Variants in RNF111 observed in about 807,000 individuals in gnomAD.
RNF111 encodes ring finger protein 111, also known as E3 ubiquitin-protein ligase Arkadia.
RNF111 carries 17 observed loss-of-function variants against 95.1 expected under a neutral mutation model. The ratio of observed to expected loss-of-function variants is 0.18; its 90% CI spans 0.12 to 0.27. RNF111 has a LOEUF of 0.27. Among genes scored for constraint, RNF111 ranks in the 10% least tolerant of loss-of-function variants. The probability of loss-of-function intolerance (pLI) is 1.00; values close to 1 mark genes in which losing one functional copy is unlikely to be tolerated. For synonymous variants in RNF111, 440 were observed against 414.8 expected (o/e 1.06, Z -0.74); for missense variants, 1,189 against 1,210.4 (o/e 0.98, Z 0.26).
At chr15:59,072,257 T>C (rs1046112470) in intron 6 of RNF111, among the ~76,000 whole-genome samples, 3 of 152,106 alleles carry the variant, frequency 2.0e-5, no homozygotes, top group Admixed American at 6.5e-5. Context: ...GTTTGCTGCA[T>C]TGATTGACTG....
chr15:59,083,284 A>G (rs2078799885), intron 8 of RNF111, among the ~76,000 whole-genome samples: 1 of 152,218 alleles, frequency 6.6e-6, no homozygotes, highest in African/African-American at 2.4e-5. Flanking sequence ...ACATTGGCTC[A>G]TGTCTGTAAT....
At chr15:59,051,936 A>G (rs564962449) in intron 2 of RNF111, among the ~76,000 whole-genome samples, 1 of 152,246 alleles carries the variant, frequency 6.6e-6, no homozygotes, top group East Asian at 1.9e-4. Context: ...ACTTTGAGCT[A>G]TTAAAGGGTT....
At chr15:59,009,978 A>G (rs1183804197) in intron 1 of RNF111, among the ~76,000 whole-genome samples, 2 of 152,072 alleles carry the variant, frequency 1.3e-5, no homozygotes, top group African/African-American at 4.8e-5. Flanking sequence ...AAAAATTAAA[A>G]TGATTTTGCT....
chr15:59,070,634 AACAG>A (rs1205895955), intron 6 of RNF111, among the ~76,000 whole-genome samples: 2 of 152,208 alleles, frequency 1.3e-5, no homozygotes, highest in East Asian at 3.8e-4. Flanking sequence ...ACAGAAGGAG[AACAG>A]ACATATACTT....
rs1234177799 is a variant in RNF111 at position 59,025,595 on chromosome 15, T to A, written c.-19-5209T>A. Among the ~76,000 whole-genome samples the A allele has an allele frequency of 2.6e-5, 4 of 152,202 alleles. No homozygotes were observed. In the East Asian group the frequency reaches 7.7e-4, roughly 29 times the overall value. On this transcript the variant is annotated intron_variant, in intron 1 of 13. Transcript: ENST00000348370. Reference sequence around the variant, plus strand: ...AATTTAATACACACCCCAAGTGATATCCCTGTAGTACAGGTATTATTTTTT... The same window carrying A: ...AATTTAATACACACCCCAAGTGATAACCCTGTAGTACAGGTATTATTTTTT...
At chr15:58,996,040 C>T (rs185059789) in intron 1 of RNF111, among the ~76,000 whole-genome samples, 107 of 152,050 alleles carry the variant, frequency 7.0e-4, no homozygotes, top group African/African-American at 2.5e-3. Flanking sequence ...GAAGTAATCA[C>T]GTAAGACTCA....
At chr15:58,997,907 G>GT (rs1199376721) in intron 1 of RNF111, among the ~76,000 whole-genome samples, 1 of 151,014 alleles carries the variant, frequency 6.6e-6, no homozygotes, top group East Asian at 1.9e-4. Context: ...CTTTTTGTTT[G>GT]TTTTTTGTTT....
chr15:59,043,048 T>G (rs985091321), intron 2 of RNF111, among the ~76,000 whole-genome samples: 1 of 152,186 alleles, frequency 6.6e-6, no homozygotes, highest in Admixed American at 6.5e-5. Flanking sequence ...TTTTGTATCT[T>G]GCAGAGAGCG....
chr15:59,030,229 A>G (rs552097021), intron 1 of RNF111, among the ~76,000 whole-genome samples: 21 of 152,302 alleles, frequency 1.4e-4, no homozygotes, highest in African/African-American at 4.8e-4. Context: ...TGTGTCTACT[A>G]TCAGGAGAAT....
chr15:59,028,193 A>G (rs1367397339), intron 1 of RNF111, among the ~76,000 whole-genome samples: 2 of 152,208 alleles, frequency 1.3e-5, no homozygotes, highest in Non-Finnish European at 2.9e-5. Context: ...CATTCTATCT[A>G]TGTAGATTTG....
At chr15:59,083,034 A>G (rs148471640) in intron 8 of RNF111, among the ~76,000 whole-genome samples, 215 of 152,268 alleles carry the variant, frequency 1.4e-3, no homozygotes, top group African/African-American at 4.5e-3. Flanking sequence ...CTTTAGTCCC[A>G]GCTACTCAGG....
intron 1 of RNF111, among the ~76,000 whole-genome samples, chr15:59,006,762 C>G (rs2039558371): frequency 6.6e-6 from 1 of 152,150 alleles, no homozygotes; most frequent in Admixed American, 6.5e-5. Context: ...ATGTCACTAA[C>G]TAGAGTCAAA....
chr15:58,990,049 C>T (rs968862313), intron 1 of RNF111, among the ~76,000 whole-genome samples: 5 of 152,008 alleles, frequency 3.3e-5, no homozygotes, highest in Non-Finnish European at 7.4e-5. Context: ...TTGACATTAC[C>T]GTTCTATGGG....
At position 58,997,543 on chromosome 15, in the gene RNF111, G is replaced by A. The variant is rs141811026; in HGVS notation, c.-20+9475G>A. Reference sequence around the variant, plus strand: ...AAAAAAAAAAAAAAATCAGGGCTGGGTATGGTGTCTCACGCCTGTAATCCC... The same window carrying A: ...AAAAAAAAAAAAAAATCAGGGCTGGATATGGTGTCTCACGCCTGTAATCCC... On this transcript the variant is annotated intron_variant, in intron 1 of 13. Coordinates refer to ENST00000348370, the MANE Select transcript of RNF111 (RefSeq NM_017610.8). Among the ~76,000 whole-genome samples, 689 of 151,732 alleles carry A rather than the reference G, an allele frequency of 4.5e-3. 5 individuals carry two copies. Among genetic ancestry groups the A allele is most frequent in the Middle Eastern group, 0.041 (12 of 292 alleles).
chr15:59,085,694 C>T lies in RNF111; in HGVS notation c.2459C>T (p.Thr820Ile). ...LGIEAGVTAA[T>I]YTPGALHPHL... Reference sequence around the variant, plus strand: ...ATTGAAGCTGGAGTGACTGCAGCTACTTATACACCTGGTGCATTGCATCCT... The same window carrying T: ...ATTGAAGCTGGAGTGACTGCAGCTATTTATACACCTGGTGCATTGCATCCT... The change falls in exon 10 of 14, where the codon ACT becomes ATT. Residue 820 changes from threonine (T) to isoleucine (I), a missense_variant. By Grantham distance (89) the Thr-to-Ile change is moderately conservative. Transcript: ENST00000348370. 6.2e-7 allele frequency: 1 copy of T among 1,613,546 alleles called. No homozygotes were observed. The highest frequency in any genetic ancestry group is 1.7e-4 in the Middle Eastern group (1 of 6,052).
chr15:59,080,309 C>T (rs185763750), intron 7 of RNF111, among the ~76,000 whole-genome samples: 146 of 151,874 alleles, frequency 9.6e-4, no homozygotes, highest in Admixed American at 3.1e-3. Context: ...TTAGTGGAGA[C>T]GGGGCTTCGC....
chr15:59,041,959 A>ATTTT (rs775444330), intron 2 of RNF111, among the ~76,000 whole-genome samples: 48 of 108,434 alleles, frequency 4.4e-4, no homozygotes, highest in Non-Finnish European at 5.8e-4. Context: ...CAGTCTGTTC[A>ATTTT]TATTTTTTTT....
At chr15:59,087,065 G>C (rs1396340915) in intron 10 of RNF111, among the ~76,000 whole-genome samples, 1 of 152,172 alleles carries the variant, frequency 6.6e-6, no homozygotes, top group African/African-American at 2.4e-5. Flanking sequence ...GGTGAGTTAG[G>C]TCTTGGATGT....
At chr15:59,000,056 C>T (rs548000898) in intron 1 of RNF111, among the ~76,000 whole-genome samples, 62 of 152,170 alleles carry the variant, frequency 4.1e-4, no homozygotes, top group African/African-American at 1.5e-3. Flanking sequence ...TACACTTTGA[C>T]CTGAGATTTG....
Sources: gnomAD v4.1 joint callset for allele counts (sites outside exome capture counted in the v4.1 genomes callset) on GRCh38, gnomAD v4.1.1 for gene constraint, MANE v1.5 for transcripts, NCBI Gene and HGNC (gene_info 2026-07-23, HGNC 2026-07-21) for gene names.